Variants in MYH15 observed in about 807,000 individuals in gnomAD.
MYH15 encodes the protein myosin heavy chain 15.
A neutral mutation model predicts 240.5 loss-of-function variants in MYH15; 227 were observed. That is an observed-to-expected ratio of 0.94 (90% CI 0.85 to 1.05). MYH15 has a LOEUF of 1.05. Among genes scored for constraint, MYH15 ranks in the 50% least tolerant of loss-of-function variants. The pLI, the probability that MYH15 is intolerant of heterozygous loss-of-function variation, is 0.00. For synonymous variants in MYH15, 785 were observed against 796.7 expected (o/e 0.99, Z 0.25); for missense variants, 2,217 against 2,247.5 (o/e 0.99, Z 0.27).
At chr3:108,463,631 C>T (rs1258064858) in intron 15 of MYH15, among the ~76,000 whole-genome samples, 1 of 152,088 alleles carries the variant, frequency 6.6e-6, no homozygotes, top group East Asian at 1.9e-4. Flanking sequence ...CATGCCCAGC[C>T]TTTGCATTAC....
intron 32 of MYH15, among the ~76,000 whole-genome samples, chr3:108,406,458 A>G (rs1255555627): frequency 2.6e-5 from 4 of 152,218 alleles, no homozygotes; most frequent in African/African-American, 9.7e-5. Flanking sequence ...AAGAAAATAA[A>G]ATTGCTAACG....
chr3:108,487,028 T>C (rs1418912228), intron 9 of MYH15, among the ~76,000 whole-genome samples: 1 of 152,204 alleles, frequency 6.6e-6, no homozygotes, highest in African/African-American at 2.4e-5. Context: ...ACATCCTCGC[T>C]ATTAGAGAAC....
intron 21 of MYH15, among the ~76,000 whole-genome samples, chr3:108,446,081 C>T (rs1382068174): frequency 6.6e-6 from 1 of 152,088 alleles, no homozygotes; most frequent in Admixed American, 6.5e-5. Context: ...CCCCAGTGAC[C>T]CAGACTCTAG....
chr3:108,417,070 A>G lies in MYH15; in HGVS notation c.3830-140T>C, dbSNP rs1382239293. On this transcript the variant is annotated intron_variant, in intron 28 of 40. Transcript: ENST00000693548. ...TATTTAGGAAGGGTCTGAGAGTCCT[A>G]TTATTCAGCAAAACCGTGGCAATGA... 4.6e-6 allele frequency: 3 copies of G among 645,912 alleles called. No individual in the cohort carries two copies. In the Admixed American group the frequency reaches 8.9e-5, roughly 19 times the overall value. The allele number at this position is 645,912 out of a possible 1,614,324, so 40.0% of individuals were successfully genotyped here.
the MYH15 span, among the ~76,000 whole-genome samples, chr3:108,535,812 AAAAC>A: frequency 1.3e-5 from 2 of 152,328 alleles, no homozygotes; most frequent in Non-Finnish European, 2.9e-5. Context: ...CCCAAAAGAC[AAAAC>A]AAACAAAAAC....
intron 25 of MYH15, among the ~76,000 whole-genome samples, 188 bp from the exon 26 acceptor site, chr3:108,431,110 T>C (rs1010655522): frequency 1.3e-5 from 2 of 152,202 alleles, no homozygotes; most frequent in Non-Finnish European, 2.9e-5. Flanking sequence ...TCCAAAAATA[T>C]GTACAATTAT....
intron 1 of MYH15, among the ~76,000 whole-genome samples, chr3:108,525,490 T>A (rs2083659834): frequency 6.6e-6 from 1 of 152,098 alleles, no homozygotes; most frequent in Non-Finnish European, 1.5e-5. Context: ...TCATTAATTG[T>A]TTATCTCACA....
rs1553761703 is a variant in MYH15, at chr3:108,383,746, A to AAC, written c.5632-18_5632-17insGT. 1,543 of 1,535,654 alleles carry AAC rather than the reference A, an allele frequency of 1.0e-3. 20 individuals carry two copies. The African/African-American group carries it at 0.014, about 14-fold the overall frequency. On this transcript the variant is annotated splice_polypyrimidine_tract_variant and intron_variant, in intron 39 of 40. Transcript: ENST00000693548. ...TTGTGTTTCCTATAAAAATAAAAAA[A>AAC]AAAAAAAAGAAATCTCCATGCCTAT...
At chr3:108,393,871 T>C (rs2082439111) in intron 36 of MYH15, among the ~76,000 whole-genome samples, 160 bp downstream of exon 36, 1 of 152,206 alleles carries the variant, frequency 6.6e-6, no homozygotes, top group Admixed American at 6.5e-5. Context: ...GCCTAATTTT[T>C]CAAGATGAGA....
rs1463371055 is a variant in MYH15, at chr3:108,428,482, G to A, written c.3702+10C>T. 1.3e-6 allele frequency: 2 copies of A among 1,597,766 alleles called. No homozygotes were observed. Among genetic ancestry groups the A allele is most frequent in the Non-Finnish European group, 1.7e-6 (2 of 1,169,350 alleles). On this transcript the variant is annotated intron_variant, in intron 27 of 40. Coordinates refer to ENST00000693548, the MANE Select transcript of MYH15 (RefSeq NM_014981.3). ...TCAGAAGACCACGAGGATGGCATGG[G>A]AGTATCTACCTTAGCTCTTGTCATC...
At position 108,391,803 on chromosome 3, in the gene MYH15, G is replaced by A; in HGVS notation, c.5387C>T (p.Ala1796Val). The change falls in exon 37 of 41, where the codon GCC (alanine) becomes GTC (valine). Residue 1796 changes from alanine to valine, a missense_variant. By Grantham distance (64) the Ala-to-Val change is moderately conservative. Transcript: ENST00000693548. ...QKRLAEAEQM[A>V]LMGSRKQIQK... ...GATTTGCTTTCTACTCCCCATCAGG[G>A]CCATCTGTTCAGCTTCAGCCAGCCT... is the stretch of plus-strand genomic sequence containing the variant. The A allele has an allele frequency of 1.2e-6, 2 of 1,614,004 alleles. No individual in the cohort carries two copies. The highest frequency in any genetic ancestry group is 1.3e-5 in the African/African-American group (1 of 75,004).
At chr3:108,469,816 T>C (rs2083155835) in intron 14 of MYH15, among the ~76,000 whole-genome samples, 1 of 152,242 alleles carries the variant, frequency 6.6e-6, no homozygotes, top group African/African-American at 2.4e-5. Flanking sequence ...GCATCAAATG[T>C]GCAGTGAAAG....
At chr3:108,486,089 G>A (rs1331875250) in intron 10 of MYH15, among the ~76,000 whole-genome samples, 1 of 152,102 alleles carries the variant, frequency 6.6e-6, no homozygotes, top group Non-Finnish European at 1.5e-5. Context: ...CATAATTACA[G>A]TCTTTTGGTA....
intron 30 of MYH15, among the ~76,000 whole-genome samples, chr3:108,411,619 G>A (rs558530646): frequency 6.6e-5 from 10 of 152,166 alleles, no homozygotes; most frequent in South Asian, 2.1e-4. Flanking sequence ...CACCACCCCC[G>A]TAATATGCTA....
In MYH15 at chr3:108,380,500, G is replaced by C. The variant is rs2082334369; in HGVS notation, c.*1045C>G. 6.6e-6 allele frequency: 1 copy of C among 152,398 alleles called. No homozygotes were observed. Among genetic ancestry groups the C allele is most frequent in the Non-Finnish European group, 1.5e-5 (1 of 68,172 alleles). 9.4% of individuals were successfully genotyped at this position (152,398 alleles called of 1,614,324 possible). A position where few individuals can be genotyped will look rare whatever the true frequency, so the allele number is the denominator to read the frequency against. On this transcript the variant is annotated 3_prime_UTR_variant, in exon 41 of 41. Transcript: ENST00000693548. ...TCACTGTAGGTCGACTGTGAATGCA[G>C]CAAGGATGAAGGGAAGTCCATAAGA...
In MYH15 at chr3:108,482,454, A is replaced by G. The variant is rs78571152; in HGVS notation, c.1114+2637T>C. Among the ~76,000 whole-genome samples, 428 of 152,318 alleles carry G rather than the reference A, an allele frequency of 2.8e-3. 2 individuals are homozygous for G. Among genetic ancestry groups the G allele is most frequent in the African/African-American group, 9.6e-3 (401 of 41,578 alleles). ...AGGAGATTACACATTTCATTTGCTC[A>G]TCTGTGTTTTTTGATTTATCAGTAA... is the stretch of plus-strand genomic sequence containing the variant. On this transcript the variant is annotated intron_variant, in intron 11 of 40. Coordinates refer to ENST00000693548, the MANE Select transcript of MYH15 (RefSeq NM_014981.3).
chr3:108,384,950 T>G (rs1012281223), intron 38 of MYH15, among the ~76,000 whole-genome samples, 168 bp from the exon 39 acceptor site: 1 of 152,146 alleles, frequency 6.6e-6, no homozygotes, highest in Non-Finnish European at 1.5e-5. Context: ...AATTGATAAA[T>G]AGAACTGTCA....
intron 14 of MYH15, among the ~76,000 whole-genome samples, chr3:108,469,083 A>G (rs1488149920): frequency 6.6e-6 from 1 of 152,212 alleles, no homozygotes; most frequent in Admixed American, 6.5e-5. Flanking sequence ...AATCAACGGG[A>G]TATCTACTCC....
chr3:108,514,381 C>A (rs2083544550), upstream of MYH15, among the ~76,000 whole-genome samples: 1 of 152,028 alleles, frequency 6.6e-6, no homozygotes, highest in African/African-American at 2.4e-5. Context: ...AGCTATCCCC[C>A]TCTCCCTCCT....
Sources: allele counts gnomAD v4.1 joint callset (sites outside exome capture counted in the v4.1 genomes callset), GRCh38; gene constraint gnomAD v4.1.1; transcripts MANE v1.5; gene names NCBI Gene and HGNC (gene_info 2026-07-23, HGNC 2026-07-21).